SLC12A8: variants seen among roughly 807,000 people sequenced by gnomAD.
SLC12A8 encodes solute carrier family 12 member 8.
Under a neutral mutation model 75.6 loss-of-function variants are expected in SLC12A8, and 69 were observed. The ratio of observed to expected loss-of-function variants is 0.91; its 90% CI spans 0.75 to 1.11. The LOEUF is 1.11. SLC12A8 is among the 50% of genes most tolerant of loss of function. The probability of loss-of-function intolerance (pLI) is 0.00; values close to 1 mark genes in which losing one functional copy is unlikely to be tolerated. For synonymous variants in SLC12A8, 365 were observed against 372.8 expected (o/e 0.98, Z 0.24); for missense variants, 877 against 896.7 (o/e 0.98, Z 0.28).
At chr3:125,137,439 G>A (rs1201452992) in intron 5 of SLC12A8, among the ~76,000 whole-genome samples, 1 of 152,172 alleles carries the variant, frequency 6.6e-6, no homozygotes, top group African/African-American at 2.4e-5. Flanking sequence ...AGCAATAATA[G>A]CTAAGTTAAC....
At chr3:125,196,517 C>A (rs1465815144) in intron 2 of SLC12A8, among the ~76,000 whole-genome samples, 1 of 152,094 alleles carries the variant, frequency 6.6e-6, no homozygotes, top group Non-Finnish European at 1.5e-5. Flanking sequence ...AAGAATAACC[C>A]CCATACTGAG....
At chr3:125,096,211 T>C (rs1380585048) in intron 10 of SLC12A8, among the ~76,000 whole-genome samples, 2 of 152,236 alleles carry the variant, frequency 1.3e-5, no homozygotes, top group Non-Finnish European at 2.9e-5. Flanking sequence ...CTTCATGCAA[T>C]TCAGTTCTCC....
chr3:125,087,128 T>C (rs1938479395), intron 13 of SLC12A8, among the ~76,000 whole-genome samples: 1 of 149,802 alleles, frequency 6.7e-6, no homozygotes, highest in South Asian at 2.1e-4. Flanking sequence ...GGAGTCTCAC[T>C]TTGTCAACTA....
At chr3:125,096,415 C>T (rs1938713877) in intron 10 of SLC12A8, among the ~76,000 whole-genome samples, 1 of 152,158 alleles carries the variant, frequency 6.6e-6, no homozygotes, top group South Asian at 2.1e-4. Flanking sequence ...AGCTCTACAA[C>T]AGCAAAAACC....
intron 11 of SLC12A8, among the ~76,000 whole-genome samples, 162 bp from the exon 12 acceptor site, chr3:125,091,718 T>G (rs2107732279): frequency 6.6e-6 from 1 of 152,334 alleles, no homozygotes; most frequent in Admixed American, 6.5e-5. Flanking sequence ...AAAACCTCAC[T>G]TAAGCAGATA....
At chr3:125,180,803 C>T (rs1465430183) in intron 4 of SLC12A8, among the ~76,000 whole-genome samples, 1 of 152,036 alleles carries the variant, frequency 6.6e-6, no homozygotes, top group Non-Finnish European at 1.5e-5. Flanking sequence ...ATGATGGTAC[C>T]ATCACTGGAA....
intron 10 of SLC12A8, among the ~76,000 whole-genome samples, chr3:125,094,518 CCTAA>C (rs1312170361): frequency 2.0e-5 from 3 of 152,154 alleles, no homozygotes; most frequent in Non-Finnish European, 4.4e-5. Context: ...AGCCTCTGAT[CCTAA>C]CTAAGGCCCA....
At chr3:125,180,706 T>C (rs1182590105) in intron 4 of SLC12A8, among the ~76,000 whole-genome samples, 2 of 152,164 alleles carry the variant, frequency 1.3e-5, no homozygotes, top group Non-Finnish European at 2.9e-5. Flanking sequence ...ACCGTCATTA[T>C]TATGACTTTG....
rs1484445904 is a variant in SLC12A8, at chr3:125,195,601, T to TTG, written c.52-5081_52-5080insCA. On this transcript the variant is annotated intron_variant, in intron 2 of 13. Transcript: ENST00000469902. Reference sequence around the variant, plus strand: ...CCCACAGACTCAATCTGTTGTTTTTTTTTTTTCTCCATATCTGTGCATCTT... The same window carrying TTG: ...CCCACAGACTCAATCTGTTGTTTTTTTGTTTTTTCTCCATATCTGTGCATCTT... Among the ~76,000 whole-genome samples the TTG allele has an allele frequency of 6.6e-5, 10 of 152,006 alleles. No individual in the cohort carries two copies. In the East Asian group the frequency reaches 1.9e-3, roughly 29 times the overall value.
intron 5 of SLC12A8, among the ~76,000 whole-genome samples, chr3:125,150,319 T>C (rs1933888236): frequency 6.6e-6 from 1 of 152,220 alleles, no homozygotes; most frequent in African/African-American, 2.4e-5. Context: ...ACAGTCATAT[T>C]GGAAGCAAGG....
In SLC12A8 at chr3:125,187,324, G is replaced by T; in HGVS notation, c.303C>A (p.Ile101=). 2 of 1,614,180 alleles carry T rather than the reference G, an allele frequency of 1.2e-6. No homozygotes were observed. The highest frequency in any genetic ancestry group is 1.7e-6 in the Non-Finnish European group (2 of 1,180,032). ...SGIGVGERSS[I]GSGGVYSMIS... is the part of the protein sequence containing the mutation. ...TCATGGAGTAGACGCCACCGCTGCC[G>T]ATGCTGCTGCGCTCCCCGACGCCAA... Residue 101 remains isoleucine, a synonymous_variant, in exon 4 of 14, where the codon ATC becomes ATA. Coordinates refer to ENST00000469902, the MANE Select transcript of SLC12A8 (RefSeq NM_024628.6).
intron 4 of SLC12A8, among the ~76,000 whole-genome samples, chr3:125,183,643 A>G (rs1934709994): frequency 6.6e-6 from 1 of 152,198 alleles, no homozygotes; most frequent in Non-Finnish European, 1.5e-5. Flanking sequence ...TCAGGTCCAT[A>G]AAAACTTTCC....
chr3:125,153,489 T>A (rs1933979598), intron 5 of SLC12A8, among the ~76,000 whole-genome samples: 1 of 152,218 alleles, frequency 6.6e-6, no homozygotes, highest in Non-Finnish European at 1.5e-5. Context: ...CTCAATAGCA[T>A]GTTCTTGTGC....
chr3:125,111,297 T>C (rs1259384333), intron 8 of SLC12A8, among the ~76,000 whole-genome samples: 2 of 152,202 alleles, frequency 1.3e-5, no homozygotes, highest in African/African-American at 4.8e-5. Flanking sequence ...GGCACAGCTG[T>C]TCTTCTTGGT....
rs202226009 is a variant in SLC12A8, at chr3:125,110,327, G to A, written c.921C>T (p.Leu307=). The A allele has an allele frequency of 6.2e-7, 1 of 1,612,808 alleles. No homozygotes were observed. The highest frequency in any genetic ancestry group is 1.3e-5 in the African/African-American group (1 of 74,964). ...YDFLIAEKVS[L]MGFLFLLGLY... ...AGCCCAAAAGGAACAGGAAGCCCAT[G>A]AGGGATACCTGTGTGAGAAGCGGTT... The change falls in exon 9 of 14, where the codon CTC becomes CTT. Residue 307 remains leucine (L), a synonymous_variant. Transcript: ENST00000469902.
chr3:125,187,433 A>G lies in SLC12A8; in HGVS notation c.199-5T>C. The G allele has an allele frequency of 6.2e-7, 1 of 1,613,504 alleles. No individual in the cohort carries two copies. The highest frequency in any genetic ancestry group is 8.5e-7 in the Non-Finnish European group (1 of 1,179,698). On this transcript the variant is annotated splice_region_variant and splice_polypyrimidine_tract_variant and intron_variant, in intron 3 of 13. Coordinates refer to ENST00000469902, the MANE Select transcript of SLC12A8 (RefSeq NM_024628.6). ...CAGGAGCACTCCTGTGTTTCCCTGC[A>G]GCAGAATAGCAAGGAGCAAGGTTGG...
intron 5 of SLC12A8, among the ~76,000 whole-genome samples, chr3:125,161,742 C>T (rs1208393937): frequency 6.6e-6 from 1 of 152,166 alleles, no homozygotes; most frequent in African/African-American, 2.4e-5. Flanking sequence ...CAACGTCTTC[C>T]CAGCACGTGG....
chr3:125,197,549 T>C (rs816338), intron 2 of SLC12A8, among the ~76,000 whole-genome samples: 140,773 of 152,240 alleles, frequency 0.92, 65,575 homozygotes, highest in South Asian at 0.98. Flanking sequence ...GTCTCAGCCC[T>C]GCAGAGTGCT....
intron 2 of SLC12A8, among the ~76,000 whole-genome samples, chr3:125,198,696 G>A (rs1461864120): frequency 2.6e-5 from 4 of 152,176 alleles, no homozygotes; most frequent in South Asian, 4.1e-4. Flanking sequence ...TTGGATCCTG[G>A]AAGGAGGTCT....
Sources: allele counts gnomAD v4.1 joint callset (sites outside exome capture counted in the v4.1 genomes callset), GRCh38; gene constraint gnomAD v4.1.1; transcripts MANE v1.5; gene names NCBI Gene and HGNC (gene_info 2026-07-23, HGNC 2026-07-21).